Variants in PPP2R2C observed in about 807,000 individuals in gnomAD.
PPP2R2C encodes the protein protein phosphatase 2 regulatory subunit Bgamma.
PPP2R2C carries 10 observed loss-of-function variants against 45.3 expected under a neutral mutation model. The observed-to-expected ratio is 0.22, with a 90% CI of 0.14 to 0.37. PPP2R2C has a LOEUF of 0.37. PPP2R2C is among the 10% of genes least tolerant of loss of function. PPP2R2C has a pLI of 1.00. For synonymous variants in PPP2R2C, 257 were observed against 245.4 expected, an observed-to-expected ratio of 1.05 and a Z score of -0.44; for missense variants, 308 against 619.7, an observed-to-expected ratio of 0.50 and a Z score of 5.34.
In PPP2R2C at chr4:6,358,748, C is replaced by T. The variant is rs534640611; in HGVS notation, c.626-10738G>A. 4.6e-5 allele frequency among the ~76,000 whole-genome samples: 7 copies of T among 152,282 alleles called. No individual in the cohort carries two copies. In the South Asian group the frequency reaches 1.2e-3, roughly 27 times the overall value. On this transcript the variant is annotated intron_variant, in intron 5 of 8. Coordinates refer to ENST00000382599, the MANE Select transcript of PPP2R2C (RefSeq NM_020416.4). ...CAGCCAACAGACACATGAAAAGATGCTATCATCACTGGTCATCAGAGAAAT... is the reference window on the plus strand; with the variant it reads ...CAGCCAACAGACACATGAAAAGATGTTATCATCACTGGTCATCAGAGAAAT...
Position 6,330,252 on chromosome 4 carries a change from T to C in PPP2R2C, c.961-899A>G, listed in dbSNP as rs536734531. On this transcript the variant is annotated intron_variant, in intron 7 of 8. Coordinates refer to ENST00000382599, the MANE Select transcript of PPP2R2C (RefSeq NM_020416.4). This position sits in a 1 kb window ranked among gnomAD's most constrained non-coding sequence, Gnocchi z 7.0. The stretch of plus-strand genomic sequence containing the variant: ...GGACAACAGGGCACGGGCTCTGCCC[T>C]CTGGGTGCGGAAGGGAAGGTAACTG... Among the ~76,000 whole-genome samples, 1 of 152,166 alleles carries C rather than the reference T, an allele frequency of 6.6e-6. No homozygotes were observed. The highest frequency in any genetic ancestry group is 1.5e-5 in the Non-Finnish European group (1 of 68,034).
chr4:6,451,859 G>A (rs751446592), intron 1 of PPP2R2C, among the ~76,000 whole-genome samples: 1 of 152,128 alleles, frequency 6.6e-6, no homozygotes, highest in Non-Finnish European at 1.5e-5. Flanking sequence ...TGGATCGGCA[G>A]AGCCAGGCAG....
intron 1 of PPP2R2C, among the ~76,000 whole-genome samples, chr4:6,463,558 T>C (rs1336041422): frequency 6.6e-6 from 1 of 152,218 alleles, no homozygotes; most frequent in Non-Finnish European, 1.5e-5. Context: ...GCAGTGCCTG[T>C]CCTGGGCAGC....
At chr4:6,342,925 T>A (rs1733566675) in intron 6 of PPP2R2C, among the ~76,000 whole-genome samples, 1 of 152,232 alleles carries the variant, frequency 6.6e-6, no homozygotes, top group Non-Finnish European at 1.5e-5. Context: ...CCTTCCTGCA[T>A]CCAGGACGCT....
At chr4:6,393,637 C>A (rs928279639) in intron 1 of PPP2R2C, among the ~76,000 whole-genome samples, 1 of 152,204 alleles carries the variant, frequency 6.6e-6, no homozygotes, top group Non-Finnish European at 1.5e-5. Flanking sequence ...AAGGCCACTG[C>A]CCCTCCCATG....
intron 1 of PPP2R2C, among the ~76,000 whole-genome samples, chr4:6,419,694 T>C (rs1468636262): frequency 6.6e-6 from 1 of 152,142 alleles, no homozygotes; most frequent in African/African-American, 2.4e-5. Flanking sequence ...ACAATCGAAC[T>C]TTATCCTCTC....
At chr4:6,387,996 C>T (rs2109326705) in intron 1 of PPP2R2C, among the ~76,000 whole-genome samples, 1 of 152,330 alleles carries the variant, frequency 6.6e-6, no homozygotes, top group East Asian at 1.9e-4. Flanking sequence ...TCTTTTTGGC[C>T]ATCGCTGTCC....
chr4:6,549,672 T>C (rs1396376633), intron 1 of PPP2R2C, among the ~76,000 whole-genome samples: 1 of 152,182 alleles, frequency 6.6e-6, no homozygotes, highest in East Asian at 1.9e-4. Flanking sequence ...TGACCTCACG[T>C]AACCCCTCCT....
intron 2 of PPP2R2C, among the ~76,000 whole-genome samples, chr4:6,492,319 G>A (rs573700378): frequency 3.3e-5 from 5 of 152,298 alleles, no homozygotes; most frequent in South Asian, 2.1e-4. Flanking sequence ...AGGGTCAGCC[G>A]GGGCCCCTGC....
chr4:6,330,281 G>C lies in PPP2R2C; in HGVS notation c.961-928C>G, dbSNP rs1732302643. On this transcript the variant is annotated intron_variant, in intron 7 of 8. Transcript: ENST00000382599. The surrounding 1 kb of genome is among the most constrained non-coding windows in gnomAD (Gnocchi z 7.0). The stretch of plus-strand genomic sequence containing the variant: ...GGTGCGGAAGGGAAGGTAACTGGGT[G>C]CCATGGAGCCTGGTTTCAACTCCCA... 1.3e-5 allele frequency among the ~76,000 whole-genome samples: 2 copies of C among 152,334 alleles called. No homozygotes were observed. Among genetic ancestry groups the C allele is most frequent in the Admixed American group, 1.3e-4 (2 of 15,310 alleles).
chr4:6,461,607 T>G (rs1377548425), intron 1 of PPP2R2C, among the ~76,000 whole-genome samples: 1 of 152,208 alleles, frequency 6.6e-6, no homozygotes, highest in Non-Finnish European at 1.5e-5. Context: ...CATCACTCTG[T>G]GGAAGAGACT....
chr4:6,355,262 G>C (rs1433528265), intron 5 of PPP2R2C, among the ~76,000 whole-genome samples: 1 of 152,088 alleles, frequency 6.6e-6, no homozygotes, highest in Non-Finnish European at 1.5e-5. Context: ...GGGGGCAGGA[G>C]GTTGCAAACC....
chr4:6,330,513 GAAGGCCCTGATAGAACA>G lies in PPP2R2C; in HGVS notation c.961-1177_961-1161del. 6.6e-6 allele frequency among the ~76,000 whole-genome samples: 1 copy of G among 152,222 alleles called. No homozygotes were observed. Among genetic ancestry groups the G allele is most frequent in the African/African-American group, 2.4e-5 (1 of 41,506 alleles). ...TGTGGGGGGCCTTGTCCAATCAGTCGAAGGCCCTGATAGAACAAAGACAGACCTCCCTGAGGACCGGG... is the reference window on the plus strand; with the variant it reads ...TGTGGGGGGCCTTGTCCAATCAGTCGAAGACAGACCTCCCTGAGGACCGGG... On this transcript the variant is annotated intron_variant, in intron 7 of 8. Transcript: ENST00000382599. The surrounding 1 kb of genome is among the most constrained non-coding windows in gnomAD (Gnocchi z 7.0).
chr4:6,530,117 C>T (rs966020754), intron 2 of PPP2R2C, among the ~76,000 whole-genome samples: 4 of 152,120 alleles, frequency 2.6e-5, no homozygotes, highest in African/African-American at 9.7e-5. Context: ...TAACGATTCT[C>T]GAGGGTTTAC....
At chr4:6,514,737 G>C (rs1447946972) in intron 2 of PPP2R2C, among the ~76,000 whole-genome samples, 3 of 152,204 alleles carry the variant, frequency 2.0e-5, no homozygotes, top group African/African-American at 7.2e-5. Flanking sequence ...ATCACAACCT[G>C]GGTGGCCCCA....
chr4:6,404,603 G>A (rs1216131872), intron 1 of PPP2R2C, among the ~76,000 whole-genome samples: 1 of 152,220 alleles, frequency 6.6e-6, no homozygotes, highest in Non-Finnish European at 1.5e-5. Flanking sequence ...CACCCGAGGG[G>A]CCTGTAGGAA....
chr4:6,536,055 C>G (rs1048724212), intron 1 of PPP2R2C, among the ~76,000 whole-genome samples: 4 of 152,210 alleles, frequency 2.6e-5, no homozygotes, highest in Admixed American at 2.0e-4. Flanking sequence ...CAGCTCCTTC[C>G]TTAGCATCTG....
intron 6 of PPP2R2C, among the ~76,000 whole-genome samples, chr4:6,337,182 GC>G (rs1336190098): frequency 5.2e-5 from 5 of 95,560 alleles, no homozygotes; most frequent in Non-Finnish European, 1.1e-4. Context: ...TCTTTGTTAA[GC>G]CAAAGAAGGA....
At chr4:6,534,177 CACACACATCAACACATACA>C (rs1724505207) in intron 2 of PPP2R2C, among the ~76,000 whole-genome samples, 1 of 149,610 alleles carries the variant, frequency 6.7e-6, no homozygotes, top group Non-Finnish European at 1.5e-5. Flanking sequence ...CACACATCAA[CACACACATCAACACATACA>C]ACACACACCA....
Sources: gnomAD v4.1 joint callset for allele counts (sites outside exome capture counted in the v4.1 genomes callset) on GRCh38, gnomAD v4.1.1 for gene constraint, Gnocchi (gnomAD v3.1) non-coding constraint, MANE v1.5 for transcripts, NCBI Gene and HGNC (gene_info 2026-07-23, HGNC 2026-07-21) for gene names.